Variants in FSTL4 observed in about 807,000 individuals in gnomAD.
FSTL4 encodes the protein follistatin like 4.
In FSTL4, 28 loss-of-function variants were observed where a neutral mutation model predicts 78.2. The ratio of observed to expected loss-of-function variants is 0.36; its 90% CI spans 0.27 to 0.49. FSTL4 has a LOEUF of 0.49. Ranked by LOEUF, FSTL4 falls within the 20% of genes least tolerant of loss-of-function variation. FSTL4 has a pLI of 0.98. For synonymous variants in FSTL4, 422 were observed against 440.5 expected, an observed-to-expected ratio of 0.96 and a Z score of 0.53; for missense variants, 922 against 1,084.9, an observed-to-expected ratio of 0.85 and a Z score of 2.11.
chr5:133,458,349 C>A (rs1340406408), intron 3 of FSTL4: 1 of 152,160 alleles, frequency 6.6e-6, no homozygotes, highest in African/African-American at 2.4e-5. Flanking sequence ...GTAATGGCAG[C>A]CTTGAAATAT....
chr5:133,560,741 A>C (rs1025893482), intron 3 of FSTL4, among the ~76,000 whole-genome samples: 8 of 151,834 alleles, frequency 5.3e-5, no homozygotes, highest in African/African-American at 1.2e-4. Flanking sequence ...TTAGAGCATA[A>C]AGTTAAAGAA....
chr5:133,422,259 A>G (rs186262889), intron 3 of FSTL4, among the ~76,000 whole-genome samples: 98 of 152,278 alleles, frequency 6.4e-4, no homozygotes, highest in African/African-American at 2.3e-3. Context: ...GTGGATTTTA[A>G]GCAGGAGAGT....
Position 133,242,018 on chromosome 5 carries a change from G to A in FSTL4, c.894+7392C>T, listed in dbSNP as rs1190024327. On this transcript the variant is annotated intron_variant, in intron 7 of 15. Coordinates refer to ENST00000265342, the MANE Select transcript of FSTL4 (RefSeq NM_015082.2). Reference sequence around the variant, plus strand: ...ACTCTTACACATTGTTGGAGAGGGCGTAGACTGGTGCAGCCATTTTGGAGA... The same window carrying A: ...ACTCTTACACATTGTTGGAGAGGGCATAGACTGGTGCAGCCATTTTGGAGA... Among the ~76,000 whole-genome samples, 7 of 152,242 alleles carry A rather than the reference G, an allele frequency of 4.6e-5. No individual in the cohort carries two copies. In the East Asian group the frequency reaches 5.8e-4, roughly 13 times the overall value.
chr5:133,727,137 C>T, the FSTL4 span, among the ~76,000 whole-genome samples: 28 of 152,126 alleles, frequency 1.8e-4, no homozygotes, highest in Non-Finnish European at 7.3e-5. Context: ...GATGCAGGGA[C>T]CCAGAGACCA....
chr5:133,293,158 G>A (rs1053703327), intron 6 of FSTL4, among the ~76,000 whole-genome samples: 11 of 152,202 alleles, frequency 7.2e-5, no homozygotes, highest in Admixed American at 4.6e-4. Context: ...AGAGGCAGGC[G>A]GCCATCTTGG....
At chr5:133,513,612 C>T (rs575105262) in intron 3 of FSTL4, among the ~76,000 whole-genome samples, 18 of 152,188 alleles carry the variant, frequency 1.2e-4, no homozygotes, top group Non-Finnish European at 2.5e-4. Context: ...TGTCTTCAGC[C>T]ATCCACATGG....
At chr5:133,306,720 C>A (rs756532951) in intron 6 of FSTL4, among the ~76,000 whole-genome samples, 3 of 152,176 alleles carry the variant, frequency 2.0e-5, no homozygotes, top group Non-Finnish European at 2.9e-5. Context: ...CTCTCCTTGC[C>A]CGATGTATTT....
At chr5:133,385,164 G>A (rs955851337) in intron 4 of FSTL4, among the ~76,000 whole-genome samples, 2 of 152,210 alleles carry the variant, frequency 1.3e-5, no homozygotes, top group Admixed American at 6.5e-5. Context: ...CCGGGCCCTC[G>A]ACTAGGCCTG....
At chr5:133,299,304 C>A (rs536952325) in intron 6 of FSTL4, among the ~76,000 whole-genome samples, 1 of 152,314 alleles carries the variant, frequency 6.6e-6, no homozygotes, top group South Asian at 2.1e-4. Context: ...TCCCCAGTCT[C>A]TCTCCTTATG....
chr5:133,374,488 A>G (rs1755385286), intron 4 of FSTL4, among the ~76,000 whole-genome samples: 2 of 152,012 alleles, frequency 1.3e-5, no homozygotes, highest in African/African-American at 2.4e-5. Context: ...CAGTACTACC[A>G]TCTTGGTTAA....
rs565057176 is a variant in FSTL4, at chr5:133,421,904, C to A, written c.161-20918G>T. 5.9e-5 allele frequency among the ~76,000 whole-genome samples: 9 copies of A among 152,118 alleles called. No homozygotes were observed. The South Asian group carries it at 1.0e-3, about 18-fold the overall frequency. ...CTTATATTTGAGTGGAGGAGACAGG[C>A]GGGAAGTGATAAGTACCATGAAGAA... On this transcript the variant is annotated intron_variant, in intron 3 of 15. Coordinates refer to ENST00000265342, the MANE Select transcript of FSTL4 (RefSeq NM_015082.2).
At chr5:133,469,497 G>A (rs1472202201) in intron 3 of FSTL4, among the ~76,000 whole-genome samples, 3 of 152,308 alleles carry the variant, frequency 2.0e-5, no homozygotes, top group East Asian at 3.9e-4. Context: ...TGGAGGAGAT[G>A]CAGATAGTGT....
the FSTL4 span, among the ~76,000 whole-genome samples, chr5:133,634,528 G>A: frequency 1.3e-5 from 2 of 152,202 alleles, no homozygotes; most frequent in South Asian, 4.2e-4. Context: ...ATTCCCTAAT[G>A]AGTCTGACTT....
At chr5:133,696,671 G>C in the FSTL4 span, among the ~76,000 whole-genome samples, 1 of 152,260 alleles carries the variant, frequency 6.6e-6, no homozygotes, top group Non-Finnish European at 1.5e-5. Flanking sequence ...CAGATGGACA[G>C]ATAGACAGAT....
intron 4 of FSTL4, among the ~76,000 whole-genome samples, chr5:133,355,493 T>C (rs1369997408): frequency 2.0e-5 from 3 of 152,000 alleles, no homozygotes; most frequent in African/African-American, 4.8e-5. Context: ...CCATCTCTAC[T>C]AAAAATACAA....
chr5:133,793,880 C>T, the FSTL4 span, among the ~76,000 whole-genome samples: 13 of 152,316 alleles, frequency 8.5e-5, no homozygotes, highest in African/African-American at 2.4e-4. Flanking sequence ...GAAAAGAGAA[C>T]GTATTTTCTT....
the FSTL4 span, among the ~76,000 whole-genome samples, chr5:133,719,738 A>G: frequency 6.6e-6 from 1 of 151,958 alleles, no homozygotes; most frequent in Non-Finnish European, 1.5e-5. Flanking sequence ...CTTATTTATA[A>G]ATATAGGCAT....
chr5:133,692,642 A>C, the FSTL4 span, among the ~76,000 whole-genome samples: 1 of 152,348 alleles, frequency 6.6e-6, no homozygotes. Context: ...TACAAATTCC[A>C]TGTTCTCTGA....
rs1305247911 is a variant in FSTL4 at position 133,316,610 on chromosome 5, A to G, written c.452T>C (p.Val151Ala). 6.2e-7 allele frequency: 1 copy of G among 1,614,028 alleles called. No homozygotes were observed. Among genetic ancestry groups the G allele is most frequent in the East Asian group, 2.2e-5 (1 of 44,872 alleles). The change falls in exon 5 of 16, where the codon GTC (valine) becomes GCC (alanine). Residue 151 changes from valine (V) to alanine (A), a missense_variant. By Grantham distance (64) the Val-to-Ala change is moderately conservative (BLOSUM62 0). Transcript: ENST00000265342. ...TMAGYARLKN[V>A]LLALQTRLQP... ...CAGACGGGTCTGGAGTGCCAGAAGG[A>G]CATTCTTCAAGCGGGCGTAGCCGGC... is the stretch of plus-strand genomic sequence containing the variant.
Sources: gnomAD v4.1 joint callset for allele counts (sites outside exome capture counted in the v4.1 genomes callset) on GRCh38, gnomAD v4.1.1 for gene constraint, MANE v1.5 for transcripts, NCBI Gene and HGNC (gene_info 2026-07-23, HGNC 2026-07-21) for gene names.